Variants in SUN2 observed in about 807,000 individuals in gnomAD.
SUN2 encodes the protein Sad1 and UNC84 domain containing 2.
A neutral mutation model predicts 100.0 loss-of-function variants in SUN2; 60 were observed. The observed-to-expected ratio is 0.60, with a 90% confidence interval of 0.49 to 0.74. The LOEUF (loss-of-function observed/expected upper bound fraction) is 0.74. Among genes scored for constraint, SUN2 ranks in the 30% least tolerant of loss-of-function variants. The probability of loss-of-function intolerance (pLI) is 0.00; values close to 1 mark genes in which losing one functional copy is unlikely to be tolerated. For missense variants in SUN2, 834 were observed against 954.6 expected (o/e 0.87, Z 1.66); for synonymous variants, 367 against 403.3 (o/e 0.91, Z 1.08).
Position 38,738,795 on chromosome 22 carries a change from C to T in SUN2, c.1780-41G>A, listed in dbSNP as rs920280715. 3.7e-6 allele frequency: 6 copies of T among 1,604,236 alleles called. No individual in the cohort carries two copies. In the African/African-American group the frequency reaches 5.3e-5, roughly 14 times the overall value. ...GTCATGTCAGGACAGGGCCCTGAGT[C>T]CAGCTCTTGCTGACCCCAGATGGGA... is the stretch of plus-strand genomic sequence containing the variant. On this transcript the variant is annotated intron_variant, in intron 15 of 17. Coordinates refer to ENST00000689035, the MANE Select transcript of SUN2 (RefSeq NM_015374.3). The surrounding 1 kb of genome is among the most constrained non-coding windows in gnomAD (Gnocchi z 6.6).
In SUN2 at chr22:38,739,527, G is replaced by T; in HGVS notation, c.1579-101C>A. The T allele has an allele frequency of 1.4e-6, 2 of 1,412,824 alleles. No homozygotes were observed. Among genetic ancestry groups the T allele is most frequent in the Non-Finnish European group, 2.0e-6 (2 of 1,016,580 alleles). 87.5% of individuals were successfully genotyped at this position (1,412,824 alleles called of 1,614,324 possible). On this transcript the variant is annotated intron_variant, in intron 13 of 17. Coordinates refer to ENST00000689035, the MANE Select transcript of SUN2 (RefSeq NM_015374.3). The surrounding 1 kb of genome is among the most constrained non-coding windows in gnomAD (Gnocchi z 6.7). ...AGGACCCATGGGCTGACCCCTTCTA[G>T]GCTTGCACTGTGCTGGTGCCCAGGC...
At chr22:38,754,190 C>T (rs151027128) in intron 1 of SUN2, among the ~76,000 whole-genome samples, 114 of 152,250 alleles carry the variant, frequency 7.5e-4, no homozygotes, top group Middle Eastern at 3.4e-3. Context: ...TCTAGACACC[C>T]GAATTCAAAG....
chr22:38,741,109 A>T (rs941196442), intron 10 of SUN2, 59 bp from the exon 11 acceptor site: 7 of 1,540,760 alleles, frequency 4.5e-6, no homozygotes, highest in Middle Eastern at 3.4e-4. Flanking sequence ...GGTGTTCCAG[A>T]GTAGGATCTG....
intron 7 of SUN2, among the ~76,000 whole-genome samples, chr22:38,746,333 A>C (rs1427972998): frequency 6.6e-6 from 1 of 152,164 alleles, no homozygotes; most frequent in Non-Finnish European, 1.5e-5. Context: ...AGGCTGCTCG[A>C]GGCCCAGACA....
Position 38,739,819 on chromosome 22 carries a change from G to T in SUN2, c.1481C>A (p.Thr494Asn). 1 of 1,613,624 alleles carries T rather than the reference G, an allele frequency of 6.2e-7. No individual in the cohort carries two copies. Among genetic ancestry groups the T allele is most frequent in the African/African-American group, 1.3e-5 (1 of 75,064 alleles). The change falls in exon 13 of 18, where the codon ACC (threonine) becomes AAC (asparagine). Residue 494 changes from threonine (T) to asparagine (N), a missense_variant. By Grantham distance (65) the Thr-to-Asn change is moderately conservative. Around this residue, in one of 3 missense-constraint regions of SUN2, gnomAD observed 195 missense variants for 280.2 expected, o/e 0.70. Coordinates refer to ENST00000689035, the MANE Select transcript of SUN2 (RefSeq NM_015374.3). This position sits in a 1 kb window ranked among gnomAD's most constrained non-coding sequence, Gnocchi z 6.7. ...CTTGCCCTGCATCTCTGCCACATGG[G>T]TGAGGATCTTGCTCTCCAGCTCTCG... ...QLRELESKIL[T>N]HVAEMQGKSA...
At position 38,751,283 on chromosome 22, in the gene SUN2, A is replaced by C. The variant is rs888976734; in HGVS notation, c.213T>G (p.Ser71Arg). Residue 71 changes from serine (S) to arginine (R), a missense_variant, in exon 3 of 18, where the codon AGT becomes AGG. Coordinates refer to ENST00000689035, the MANE Select transcript of SUN2 (RefSeq NM_015374.3). ...PSSDAHTSYY[S>R]ESLVHESWFP... ...ACCAGGACTCGTGGACCAGCGACTC[A>C]CTGTAGTAGGAGGTGTGTGCATCAG... The C allele has an allele frequency of 6.2e-7, 1 of 1,614,080 alleles. No individual in the cohort carries two copies. Among genetic ancestry groups the C allele is most frequent in the Non-Finnish European group, 8.5e-7 (1 of 1,179,994 alleles).
At chr22:38,736,986 G>A (rs988710440) in intron 17 of SUN2, among the ~76,000 whole-genome samples, 3 of 152,170 alleles carry the variant, frequency 2.0e-5, no homozygotes, top group Non-Finnish European at 4.4e-5. Context: ...TGGGACCACA[G>A]GTGCATGTCA....
In SUN2 at chr22:38,737,934, C is replaced by T; in HGVS notation, c.2040+239G>A. The T allele has an allele frequency of 1.5e-6, 1 of 683,776 alleles. No homozygotes were observed. Among genetic ancestry groups the T allele is most frequent in the Non-Finnish European group, 2.7e-6 (1 of 364,098 alleles). The allele number at this position is 683,776 out of a possible 1,614,324, so 42.4% of individuals were successfully genotyped here. A position where few individuals can be genotyped will look rare whatever the true frequency, so the allele number is the denominator to read the frequency against. On this transcript the variant is annotated intron_variant, in intron 17 of 17. Coordinates refer to ENST00000689035, the MANE Select transcript of SUN2 (RefSeq NM_015374.3). The surrounding 1 kb of genome is among the most constrained non-coding windows in gnomAD (Gnocchi z 4.1). ...ACCCCTCTTGTGTAAAGCCCACCTC[C>T]TGGTGTCCTTTTCCAGGAAGCTTCC...
Position 38,736,354 on chromosome 22 carries a change from C to T in SUN2, c.2067G>A (p.Val689=). The change falls in exon 18 of 18, where the codon GTG becomes GTA. Residue 689 remains valine, a synonymous_variant. Transcript: ENST00000689035. The part of the protein sequence containing the change: ...FQAPTMATYQ[V]VELRILTNWG... ...AGTTAGTCAGGATCCGCAGCTCCAC[C>T]ACCTGGTACGTGGCCATCGTAGGGG... 1 of 1,613,904 alleles carries T rather than the reference C, an allele frequency of 6.2e-7. No homozygotes were observed. Among genetic ancestry groups the T allele is most frequent in the Non-Finnish European group, 8.5e-7 (1 of 1,179,866 alleles).
chr22:38,746,769 C>T (rs917179598), intron 7 of SUN2, among the ~76,000 whole-genome samples: 5 of 152,326 alleles, frequency 3.3e-5, no homozygotes, highest in East Asian at 1.9e-4. Context: ...CGGTGGCTCA[C>T]GCCTGTAATC....
In SUN2 at chr22:38,740,718, G is replaced by A. The variant is rs2092849292; in HGVS notation, c.1191-286C>T. 1.7e-6 allele frequency: 1 copy of A among 585,092 alleles called. No homozygotes were observed. 36.2% of individuals were successfully genotyped at this position (585,092 alleles called of 1,614,324 possible). On this transcript the variant is annotated intron_variant, in intron 11 of 17. Transcript: ENST00000689035. This position sits in a 1 kb window ranked among gnomAD's most constrained non-coding sequence, Gnocchi z 4.8. ...CCACAAGCATGGACATCTGGGGCAT[G>A]AGAAGGCAGTTATGTGAGGCTGTAA...
chr22:38,745,182 G>C (rs370473399), intron 8 of SUN2: 1 of 470,988 alleles, frequency 2.1e-6, no homozygotes, highest in East Asian at 6.9e-5. Flanking sequence ...CTAGCCTGCC[G>C]GGTGAGCAAA....
intron 8 of SUN2, chr22:38,742,986 A>T (rs2092872767): frequency 6.1e-6 from 1 of 162,952 alleles, no homozygotes; most frequent in Admixed American, 6.4e-5. Flanking sequence ...CTGTCTGTGG[A>T]CTCTCAATGG....
In SUN2 at chr22:38,739,517, A is replaced by G. The variant is rs1428068003; in HGVS notation, c.1579-91T>C. 9.6e-6 allele frequency: 14 copies of G among 1,465,662 alleles called. No homozygotes were observed. The Admixed American group carries it at 1.5e-4, about 15-fold the overall frequency. 90.8% of individuals were successfully genotyped at this position (1,465,662 alleles called of 1,614,324 possible). On this transcript the variant is annotated intron_variant, in intron 13 of 17. Coordinates refer to ENST00000689035, the MANE Select transcript of SUN2 (RefSeq NM_015374.3). This position sits in a 1 kb window ranked among gnomAD's most constrained non-coding sequence, Gnocchi z 6.7. ...CCGTGGGCCAAGGACCCATGGGCTG[A>G]CCCCTTCTAGGCTTGCACTGTGCTG...
Position 38,755,914 on chromosome 22 carries a change from C to G in SUN2, c.-189G>C, listed in dbSNP as rs2092981843. ...CCGGGGCGCGCGGGCACGCGAAGAGCGGCGACGCGGGACAAGGCGGGCGGG... is the reference window on the plus strand; with the variant it reads ...CCGGGGCGCGCGGGCACGCGAAGAGGGGCGACGCGGGACAAGGCGGGCGGG... On this transcript the variant is annotated 5_prime_UTR_variant, in exon 1 of 18. Transcript: ENST00000689035. The surrounding 1 kb of genome is among the most constrained non-coding windows in gnomAD (Gnocchi z 5.7). 1 of 982,454 alleles carries G rather than the reference C, an allele frequency of 1.0e-6. No individual in the cohort carries two copies. The highest frequency in any genetic ancestry group is 4.7e-5 in the South Asian group (1 of 21,318). 60.9% of individuals were successfully genotyped at this position (982,454 alleles called of 1,614,324 possible). A position where few individuals can be genotyped will look rare whatever the true frequency, so the allele number is the denominator to read the frequency against.
intron 7 of SUN2, among the ~76,000 whole-genome samples, chr22:38,747,799 C>T (rs2092915553): frequency 6.6e-6 from 1 of 151,422 alleles, no homozygotes; most frequent in South Asian, 2.1e-4. Flanking sequence ...AAAAATTAGC[C>T]ATGTGTGGTG....
chr22:38,751,695 C>T (rs1317152370), intron 2 of SUN2, among the ~76,000 whole-genome samples: 1 of 152,242 alleles, frequency 6.6e-6, no homozygotes, highest in Non-Finnish European at 1.5e-5. Flanking sequence ...TCTTCTGGGC[C>T]CCATGCCTGT....
intron 7 of SUN2, among the ~76,000 whole-genome samples, chr22:38,748,253 G>A (rs988836325): frequency 3.9e-5 from 6 of 152,272 alleles, no homozygotes; most frequent in Non-Finnish European, 2.9e-5. Flanking sequence ...GGTGGAGGTT[G>A]TGGTGAGCTG....
Position 38,737,919 on chromosome 22 carries a change from T to C in SUN2, c.2040+254A>G. On this transcript the variant is annotated intron_variant, in intron 17 of 17. Coordinates refer to ENST00000689035, the MANE Select transcript of SUN2 (RefSeq NM_015374.3). This position sits in a 1 kb window ranked among gnomAD's most constrained non-coding sequence, Gnocchi z 4.1. ...TTTCCTGGCCACCCAACCCCTCTTG[T>C]GTAAAGCCCACCTCCTGGTGTCCTT... 1 of 667,690 alleles carries C rather than the reference T, an allele frequency of 1.5e-6. No individual in the cohort carries two copies. Among genetic ancestry groups the C allele is most frequent in the East Asian group, 3.1e-5 (1 of 32,570 alleles). 41.4% of individuals were successfully genotyped at this position (667,690 alleles called of 1,614,324 possible). A position where few individuals can be genotyped will look rare whatever the true frequency, so the allele number is the denominator to read the frequency against.
Sources: gnomAD v4.1 joint callset for allele counts (sites outside exome capture counted in the v4.1 genomes callset) on GRCh38, gnomAD v4.1.1 for gene constraint, gnomAD v4.1.1 regional missense constraint, Gnocchi (gnomAD v3.1) non-coding constraint, MANE v1.5 for transcripts, NCBI Gene and HGNC (gene_info 2026-07-23, HGNC 2026-07-21) for gene names.